TENT2: variants seen among roughly 807,000 people sequenced by gnomAD.
TENT2 encodes terminal nucleotidyltransferase 2.
TENT2 carries 44 observed loss-of-function variants against 72.2 expected under a neutral mutation model. The observed-to-expected ratio is 0.61, with a 90% confidence interval of 0.48 to 0.78. TENT2 has a LOEUF of 0.78. TENT2 is among the 30% of genes least tolerant of loss of function. TENT2 has a pLI of 0.00. For missense variants in TENT2, 541 were observed against 569.6 expected, an observed-to-expected ratio of 0.95 and a Z score of 0.51; for synonymous variants, 212 against 192.5, an observed-to-expected ratio of 1.10 and a Z score of -0.84.
intron 12 of TENT2, among the ~76,000 whole-genome samples, chr5:79,677,253 T>G (rs560083690): frequency 6.6e-6 from 1 of 152,190 alleles, no homozygotes; most frequent in African/African-American, 2.4e-5. Context: ...TCAAATGATA[T>G]AATCATTTTA....
At position 79,648,761 on chromosome 5, in the gene TENT2, A is replaced by G. The variant is rs915714011; in HGVS notation, c.898+68A>G. 6 of 1,192,966 alleles carry G rather than the reference A, an allele frequency of 5.0e-6. No individual in the cohort carries two copies. The East Asian group carries it at 7.2e-5, about 14-fold the overall frequency. The allele number at this position is 1,192,966 out of a possible 1,614,324, so 73.9% of individuals were successfully genotyped here. ...TTATTCATTTTTAAAGATGTTTGGC[A>G]TAAATAGTGACATCTCTTTAGTTGT... On this transcript the variant is annotated intron_variant, in intron 9 of 14. Transcript: ENST00000453514.
chr5:79,688,137 A>G lies in TENT2; in HGVS notation c.*2864A>G, dbSNP rs888051290. 3.3e-5 allele frequency among the ~76,000 whole-genome samples: 5 copies of G among 152,362 alleles called. No homozygotes were observed. The highest frequency in any genetic ancestry group is 3.4e-3 in the Middle Eastern group (1 of 294). On this transcript the variant is annotated 3_prime_UTR_variant, in exon 15 of 15. Coordinates refer to ENST00000453514, the MANE Select transcript of TENT2 (RefSeq NM_001114394.3). ...AGTTCATTACCTCCAGACATAATGCATGCATACCAGCTCGTGTAACTGGTG... is the reference window on the plus strand; with the variant it reads ...AGTTCATTACCTCCAGACATAATGCGTGCATACCAGCTCGTGTAACTGGTG...
chr5:79,635,617 C>G (rs752908880), intron 4 of TENT2, among the ~76,000 whole-genome samples: 1 of 152,018 alleles, frequency 6.6e-6, no homozygotes, highest in African/African-American at 2.4e-5. Flanking sequence ...TGCAGTTGCG[C>G]GATCTCGGCT....
At chr5:79,653,907 G>A (rs1796010844) in intron 10 of TENT2, among the ~76,000 whole-genome samples, 1 of 152,186 alleles carries the variant, frequency 6.6e-6, no homozygotes. Flanking sequence ...AACACAAACA[G>A]TTGGATTAAA....
At chr5:79,626,914 A>G (rs1770606714) in intron 4 of TENT2, among the ~76,000 whole-genome samples, 1 of 151,794 alleles carries the variant, frequency 6.6e-6, no homozygotes, top group African/African-American at 2.4e-5. Context: ...GGCGGATCAC[A>G]AGGTCAGGAG....
chr5:79,616,710 A>C (rs533636987), intron 1 of TENT2, among the ~76,000 whole-genome samples: 2 of 152,330 alleles, frequency 1.3e-5, no homozygotes, highest in Non-Finnish European at 2.9e-5. Context: ...ACAGGTGAGG[A>C]AATATGACAG....
chr5:79,665,256 T>A (rs1435940949), intron 11 of TENT2, among the ~76,000 whole-genome samples: 6 of 152,204 alleles, frequency 3.9e-5, no homozygotes. Flanking sequence ...TTATGCTTAA[T>A]CTCTTTTAAT....
At chr5:79,651,367 A>G (rs1255502841) in intron 10 of TENT2, among the ~76,000 whole-genome samples, 3 of 151,904 alleles carry the variant, frequency 2.0e-5, no homozygotes, top group Non-Finnish European at 4.4e-5. Flanking sequence ...TGATTCTCAG[A>G]CTTTTAGATT....
At chr5:79,652,443 G>C (rs749425240) in intron 10 of TENT2, among the ~76,000 whole-genome samples, 1 of 151,894 alleles carries the variant, frequency 6.6e-6, no homozygotes, top group Non-Finnish European at 1.5e-5. Context: ...AATTGTATCA[G>C]GGTTATTTGT....
At chr5:79,657,763 A>G (rs997181495) in intron 11 of TENT2, among the ~76,000 whole-genome samples, 6 of 152,072 alleles carry the variant, frequency 3.9e-5, no homozygotes, top group African/African-American at 7.2e-5. Context: ...AATAATATTT[A>G]AGCTACTTGT....
intron 12 of TENT2, among the ~76,000 whole-genome samples, chr5:79,675,449 A>G (rs927274662): frequency 6.6e-6 from 1 of 152,194 alleles, no homozygotes; most frequent in South Asian, 2.1e-4. Context: ...AGTAAGACGA[A>G]AGTATGAATT....
Position 79,623,417 on chromosome 5 carries a change from A to G in TENT2, c.393A>G (p.Arg131=). Reference sequence around the variant, plus strand: ...CACATTATGTACCAGATATAGTCAGATGTGTTCCACCTTTTCGAGAAATTG... The same window carrying G: ...CACATTATGTACCAGATATAGTCAGGTGTGTTCCACCTTTTCGAGAAATTG... ...FHTHYVPDIV[R]CVPPFREIAF... Residue 131 remains arginine, a synonymous_variant, in exon 4 of 15, where the codon AGA becomes AGG. Coordinates refer to ENST00000453514, the MANE Select transcript of TENT2 (RefSeq NM_001114394.3). 1 of 1,612,684 alleles carries G rather than the reference A, an allele frequency of 6.2e-7. No homozygotes were observed. Among genetic ancestry groups the G allele is most frequent in the East Asian group, 2.2e-5 (1 of 44,792 alleles).
chr5:79,623,274 C>G lies in TENT2; in HGVS notation c.250C>G (p.Leu84Val). Residue 84 changes from leucine (L) to valine (V), a missense_variant, in exon 4 of 15, where the codon CTT becomes GTT. Physicochemically the swap from Leu to Val is conservative, Grantham distance 32. Transcript: ENST00000453514. Reference protein sequence around the residue: ...GRKRLSDEKNLPLDGKRQRFH... With the variant: ...GRKRLSDEKNVPLDGKRQRFH... The stretch of plus-strand genomic sequence containing the variant: ...CAGGAGATTAAGCGATGAAAAAAAC[C>G]TTCCTCTTGACGGTAAACGGCAACG... 1 of 1,611,426 alleles carries G rather than the reference C, an allele frequency of 6.2e-7. No individual in the cohort carries two copies. Among genetic ancestry groups the G allele is most frequent in the Non-Finnish European group, 8.5e-7 (1 of 1,178,852 alleles).
At chr5:79,634,559 G>T (rs925606589) in intron 4 of TENT2, among the ~76,000 whole-genome samples, 1 of 151,960 alleles carries the variant, frequency 6.6e-6, no homozygotes, top group Non-Finnish European at 1.5e-5. Context: ...GGCTGGTCTC[G>T]AACTCCTGAC....
intron 4 of TENT2, among the ~76,000 whole-genome samples, chr5:79,627,151 ACTG>A (rs1770974185): frequency 6.7e-6 from 1 of 148,996 alleles, no homozygotes; most frequent in Non-Finnish European, 1.5e-5. Context: ...AAAATCTTTT[ACTG>A]TTTTTTTAAG....
intron 14 of TENT2, among the ~76,000 whole-genome samples, 177 bp downstream of exon 14, chr5:79,682,238 C>G (rs1485691561): frequency 1.3e-5 from 2 of 152,138 alleles, no homozygotes; most frequent in Non-Finnish European, 2.9e-5. Flanking sequence ...AGATCTGGCT[C>G]TGTTTTTATT....
At chr5:79,621,399 G>T (rs1264900084) in intron 3 of TENT2, among the ~76,000 whole-genome samples, 3 of 152,102 alleles carry the variant, frequency 2.0e-5, no homozygotes, top group Non-Finnish European at 4.4e-5. Context: ...TAATAGTATT[G>T]ACTTTATTCA....
intron 11 of TENT2, among the ~76,000 whole-genome samples, chr5:79,663,823 C>T (rs1473353806): frequency 3.3e-5 from 5 of 152,114 alleles, no homozygotes; most frequent in Admixed American, 6.6e-5. Context: ...CTAGATGCAC[C>T]GTTGCCATAA....
At chr5:79,665,781 A>G (rs1227332047) in intron 11 of TENT2, among the ~76,000 whole-genome samples, 1 of 152,126 alleles carries the variant, frequency 6.6e-6, no homozygotes, top group African/African-American at 2.4e-5. Context: ...GGATGTTATC[A>G]GTTTAATTGC....
Sources: gnomAD v4.1 joint callset for allele counts (sites outside exome capture counted in the v4.1 genomes callset) on GRCh38, gnomAD v4.1.1 for gene constraint, MANE v1.5 for transcripts, NCBI Gene and HGNC (gene_info 2026-07-23, HGNC 2026-07-21) for gene names.